GABRG3: variants seen among roughly 807,000 people sequenced by gnomAD.
The protein encoded by GABRG3 is gamma-aminobutyric acid type A receptor subunit gamma3, also known as gamma-aminobutyric acid receptor subunit gamma-3.
GABRG3 carries 25 observed loss-of-function variants against 48.8 expected under a neutral mutation model. That is an observed-to-expected ratio of 0.51 (90% CI 0.37 to 0.72). The LOEUF is 0.72. Ranked by LOEUF, GABRG3 falls within the 30% of genes least tolerant of loss-of-function variation. The pLI, the probability that GABRG3 is intolerant of heterozygous loss-of-function variation, is 0.00. For synonymous variants in GABRG3, 227 were observed against 217.6 expected, an observed-to-expected ratio of 1.04 and a Z score of -0.38; for missense variants, 394 against 577.9, an observed-to-expected ratio of 0.68 and a Z score of 3.26.
At chr15:27,116,553 A>G (rs541280978) in intron 3 of GABRG3, among the ~76,000 whole-genome samples, 41 of 152,346 alleles carry the variant, frequency 2.7e-4, no homozygotes, top group African/African-American at 9.6e-4. Context: ...CTACTTTTAT[A>G]CTAAGAAAAA....
intron 6 of GABRG3, among the ~76,000 whole-genome samples, chr15:27,511,668 G>A (rs564102472): frequency 6.6e-6 from 1 of 152,202 alleles, no homozygotes; most frequent in East Asian, 1.9e-4. Flanking sequence ...GTGTCATCAC[G>A]GAACTTGTAT....
At chr15:27,455,769 T>A (rs1056000849) in intron 5 of GABRG3, among the ~76,000 whole-genome samples, 5 of 151,466 alleles carry the variant, frequency 3.3e-5, no homozygotes, top group Admixed American at 3.3e-4. Flanking sequence ...GTATGTGTGC[T>A]ATGTGTGTGT....
chr15:27,511,321 G>A (rs905816968), intron 6 of GABRG3, among the ~76,000 whole-genome samples: 1 of 152,172 alleles, frequency 6.6e-6, no homozygotes, highest in Non-Finnish European at 1.5e-5. Context: ...CTGGGGCAAG[G>A]AGGATGCAGT....
intron 3 of GABRG3, among the ~76,000 whole-genome samples, chr15:27,305,317 G>T (rs1892360822): frequency 6.6e-6 from 1 of 151,290 alleles, no homozygotes; most frequent in African/African-American, 2.4e-5. Flanking sequence ...AACAAAATGT[G>T]TACAGTGTAA....
intron 3 of GABRG3, among the ~76,000 whole-genome samples, chr15:27,185,763 T>TA (rs1888072461): frequency 6.6e-6 from 1 of 150,716 alleles, no homozygotes; most frequent in South Asian, 2.1e-4. Flanking sequence ...AGTGGAATAA[T>TA]CTTTTTATCA....
intron 7 of GABRG3, 143 bp from the exon 8 acceptor site, chr15:27,527,290 A>T (rs1891300334): frequency 1.6e-6 from 1 of 618,484 alleles, no homozygotes; most frequent in Non-Finnish European, 2.7e-6. Context: ...GGACATTAAA[A>T]TTCAAAGTAA....
chr15:27,103,853 T>TC (rs1897403243), intron 3 of GABRG3, among the ~76,000 whole-genome samples: 1 of 152,210 alleles, frequency 6.6e-6, no homozygotes, highest in Non-Finnish European at 1.5e-5. Context: ...TTCTAGCTGC[T>TC]CTTATATATG....
intron 5 of GABRG3, among the ~76,000 whole-genome samples, chr15:27,346,097 AGG>A (rs1894361154): frequency 3.5e-4 from 48 of 135,800 alleles, no homozygotes; most frequent in Admixed American, 7.0e-4. Flanking sequence ...AAAGAAAGAA[AGG>A]AAAGAAAGAG....
At chr15:27,055,024 TTTTA>T (rs1167831115) in intron 3 of GABRG3, among the ~76,000 whole-genome samples, 107 of 105,240 alleles carry the variant, frequency 1.0e-3, no homozygotes, top group South Asian at 3.8e-3. Context: ...TTTTTTTTTT[TTTTA>T]AATGACTTGT....
chr15:27,527,279 T>A lies in GABRG3; in HGVS notation c.866-154T>A, dbSNP rs147202038. On this transcript the variant is annotated intron_variant, in intron 7 of 9. Coordinates refer to ENST00000615808, the MANE Select transcript of GABRG3 (RefSeq NM_033223.5). ...TTGAAACATTGCTTATAAAATTGTA[T>A]GGACATTAAAATTCAAAGTAACATT... 2.9e-3 allele frequency among the ~76,000 whole-genome samples: 449 copies of A among 152,342 alleles called. 3 individuals are homozygous for A. Among genetic ancestry groups the A allele is most frequent in the African/African-American group, 9.8e-3 (407 of 41,588 alleles).
chr15:27,474,188 C>T (rs1395061132), intron 5 of GABRG3, among the ~76,000 whole-genome samples: 1 of 152,124 alleles, frequency 6.6e-6, no homozygotes, highest in Non-Finnish European at 1.5e-5. Context: ...GCATTTTCTT[C>T]TTCAAAAATT....
Position 27,486,268 on chromosome 15 carries a change from C to G in GABRG3, c.712+5481C>G, listed in dbSNP as rs149611658. Among the ~76,000 whole-genome samples the G allele has an allele frequency of 1.8e-3, 271 of 152,238 alleles. 2 individuals are homozygous for G. Among genetic ancestry groups the G allele is most frequent in the African/African-American group, 6.4e-3 (265 of 41,528 alleles). On this transcript the variant is annotated intron_variant, in intron 6 of 9. Coordinates refer to ENST00000615808, the MANE Select transcript of GABRG3 (RefSeq NM_033223.5). ...ATTAATTGCACTAGGAGCTTTCCCT[C>G]TGGTGCCTGGTTTATTATAAGACCA... is the stretch of plus-strand genomic sequence containing the variant.
rs1893330899 is a variant in GABRG3 at position 27,319,054 on chromosome 15, G to A, written c.271-7755G>A. 1.3e-5 allele frequency among the ~76,000 whole-genome samples: 2 copies of A among 152,108 alleles called. No individual in the cohort carries two copies. Among genetic ancestry groups the A allele is most frequent in the African/African-American group, 4.8e-5 (2 of 41,422 alleles). ...CTGGCTAAGAGGGTAGATCATAAAT[G>A]TTCTCACCACCATAAAAAAATAAAA... On this transcript the variant is annotated intron_variant, in intron 3 of 9. Transcript: ENST00000615808. This position sits in a 1 kb window ranked among gnomAD's most constrained non-coding sequence, Gnocchi z 4.4.
chr15:27,452,952 A>C (rs1350916040), intron 5 of GABRG3, among the ~76,000 whole-genome samples: 1 of 152,242 alleles, frequency 6.6e-6, no homozygotes. Flanking sequence ...CAGGAATACT[A>C]TTCAGTCTTA....
chr15:27,214,465 C>T (rs747908273), intron 3 of GABRG3, among the ~76,000 whole-genome samples: 3 of 152,026 alleles, frequency 2.0e-5, no homozygotes, highest in African/African-American at 4.8e-5. Flanking sequence ...GCATTTAGGG[C>T]GATAGCCTCT....
At chr15:27,365,815 A>G (rs1473123806) in intron 5 of GABRG3, 2 of 152,200 alleles carry the variant, frequency 1.3e-5, no homozygotes, top group African/African-American at 4.8e-5. Context: ...GATGAAGCCA[A>G]GAATCAAATT....
chr15:27,346,761 CAG>C (rs1239688525), intron 5 of GABRG3, among the ~76,000 whole-genome samples: 2 of 151,940 alleles, frequency 1.3e-5, no homozygotes, highest in Non-Finnish European at 2.9e-5. Flanking sequence ...ATTTCCGTTA[CAG>C]AGTTTTTCAT....
At chr15:27,083,384 G>A (rs913293130) in intron 3 of GABRG3, among the ~76,000 whole-genome samples, 57 of 150,558 alleles carry the variant, frequency 3.8e-4, no homozygotes, top group African/African-American at 9.6e-4. Flanking sequence ...CAAGGCTGGC[G>A]TGTAGTGGTG....
rs1290571939 is a variant in GABRG3 at position 26,976,344 on chromosome 15, A to G, written c.54-658A>G. Among the ~76,000 whole-genome samples the G allele has an allele frequency of 1.3e-5, 2 of 152,242 alleles. No individual in the cohort carries two copies. The highest frequency in any genetic ancestry group is 2.9e-5 in the Non-Finnish European group (2 of 68,044). On this transcript the variant is annotated intron_variant, in intron 1 of 9. Coordinates refer to ENST00000615808, the MANE Select transcript of GABRG3 (RefSeq NM_033223.5). The surrounding 1 kb of genome is among the most constrained non-coding windows in gnomAD (Gnocchi z 7.8). ...TCATGTCTGTGTTAGCCTGCTGTGC[A>G]GGAGATGAATCAGTTTGTGTTGACC... is the stretch of plus-strand genomic sequence containing the variant.
Sources: allele counts gnomAD v4.1 joint callset (sites outside exome capture counted in the v4.1 genomes callset), GRCh38; gene constraint gnomAD v4.1.1; non-coding constraint Gnocchi (gnomAD v3.1); transcripts MANE v1.5; gene names NCBI Gene and HGNC (gene_info 2026-07-23, HGNC 2026-07-21).